The following GHR variants were observed in gnomAD, a reference collection of about 807,000 sequenced individuals.
GHR encodes the protein growth hormone receptor.
Under a neutral mutation model 67.1 loss-of-function variants are expected in GHR, and 35 were observed. The ratio of observed to expected loss-of-function variants is 0.52; its 90% CI spans 0.40 to 0.69. GHR has a LOEUF of 0.69. Ranked by LOEUF, GHR falls within the 30% of genes least tolerant of loss-of-function variation. GHR has a pLI of 0.00. For missense variants in GHR, 792 were observed against 764.6 expected (o/e 1.04, Z -0.42); for synonymous variants, 272 against 269.1 (o/e 1.01, Z -0.10).
intron 2 of GHR, among the ~76,000 whole-genome samples, chr5:42,628,503 G>A (rs115397300): frequency 0.061 from 8,013 of 131,230 alleles, 1,790 homozygotes; most frequent in Admixed American, 0.11. Context: ...TACATGGAAG[G>A]TATACATTGG....
intron 1 of GHR, among the ~76,000 whole-genome samples, chr5:42,464,730 C>T (rs1260038356): frequency 6.6e-6 from 1 of 152,028 alleles, no homozygotes; most frequent in East Asian, 1.9e-4. Flanking sequence ...CCCTAGAGTC[C>T]CTGGCAGAAC....
chr5:42,531,300 A>T (rs1747957194), intron 1 of GHR, among the ~76,000 whole-genome samples: 1 of 151,948 alleles, frequency 6.6e-6, no homozygotes, highest in Non-Finnish European at 1.5e-5. Context: ...ATAAGTTTTT[A>T]AAGTCACTGA....
At chr5:42,716,093 G>A (rs1758705828) in intron 8 of GHR, among the ~76,000 whole-genome samples, 1 of 151,658 alleles carries the variant, frequency 6.6e-6, no homozygotes, top group South Asian at 2.1e-4. Flanking sequence ...GGAAACCTTT[G>A]CTTCCTGTAA....
In GHR at chr5:42,474,285, AAAAGAGAAAG is replaced by A. The variant is rs372512617; in HGVS notation, c.-12+50332_-12+50341del. On this transcript the variant is annotated intron_variant, in intron 1 of 9. Coordinates refer to ENST00000230882, the MANE Select transcript of GHR (RefSeq NM_000163.5). ...AAAGAAAGAAAGAAAGAAAGAAAGA[AAAAGAGAAAG>A]AGAAAGAAAGAAAGAAAGAAAGAAA... Among the ~76,000 whole-genome samples the A allele has an allele frequency of 1.6e-3, 45 of 28,058 alleles. 1 individual carries two copies. The highest frequency in any genetic ancestry group is 1.9e-3 in the Non-Finnish European group (25 of 13,058). The allele number at this position is 28,058 out of a possible 152,430, so 18.4% of individuals were successfully genotyped here.
At chr5:42,438,978 C>G (rs1743452801) in intron 1 of GHR, among the ~76,000 whole-genome samples, 1 of 152,146 alleles carries the variant, frequency 6.6e-6, no homozygotes, top group Non-Finnish European at 1.5e-5. Flanking sequence ...TAACACTGTC[C>G]TGGTCATTTT....
At chr5:42,468,607 G>A (rs1036770673) in intron 1 of GHR, 5 of 1,027,162 alleles carry the variant, frequency 4.9e-6, no homozygotes, top group Non-Finnish European at 7.3e-6. Context: ...TGTCAACCAC[G>A]CCAACGCTGG....
At position 42,588,868 on chromosome 5, in the gene GHR, A is replaced by G. The variant is rs150574550; in HGVS notation, c.70+22924A>G. The stretch of plus-strand genomic sequence containing the variant: ...GATTCTGTAATTAACTTATTGAGTC[A>G]TTTGTTTAACCATTGGTGAATTCAT... On this transcript the variant is annotated intron_variant, in intron 2 of 9. Coordinates refer to ENST00000230882, the MANE Select transcript of GHR (RefSeq NM_000163.5). 3.8e-3 allele frequency among the ~76,000 whole-genome samples: 573 copies of G among 152,324 alleles called. 4 individuals are homozygous for G. Among genetic ancestry groups the G allele is most frequent in the African/African-American group, 0.013 (549 of 41,580 alleles).
chr5:42,505,122 G>GTTTTTTTTTTTT (rs35690685), intron 1 of GHR, among the ~76,000 whole-genome samples: 4 of 134,874 alleles, frequency 3.0e-5, no homozygotes, highest in Middle Eastern at 3.8e-3. Flanking sequence ...GCTGTTGACT[G>GTTTTTTTTTTTT]TTTTTTTTTT....
At position 42,479,624 on chromosome 5, in the gene GHR, GT is replaced by G. The variant is rs1395948587; in HGVS notation, c.-12+55670del. ...CTGGTTTAGTCTTGGGAGGATGTAT[GT>G]GTCGAGGAATTTATCCATTTCTTCT... On this transcript the variant is annotated intron_variant, in intron 1 of 9. Transcript: ENST00000230882. Among the ~76,000 whole-genome samples the G allele has an allele frequency of 2.0e-5, 3 of 152,216 alleles. No homozygotes were observed. The South Asian group carries it at 6.2e-4, about 31-fold the overall frequency.
At chr5:42,661,604 G>A (rs978530689) in intron 3 of GHR, among the ~76,000 whole-genome samples, 1 of 152,138 alleles carries the variant, frequency 6.6e-6, no homozygotes, top group African/African-American at 2.4e-5. Context: ...CCTGAAGGAA[G>A]CACTAAACAT....
intron 2 of GHR, among the ~76,000 whole-genome samples, chr5:42,623,193 A>G (rs1382678243): frequency 2.0e-5 from 3 of 152,188 alleles, no homozygotes; most frequent in African/African-American, 7.2e-5. Context: ...ATATATAGAT[A>G]CTTTTACTCT....
chr5:42,534,920 T>C (rs1277380483), intron 1 of GHR, among the ~76,000 whole-genome samples: 1 of 152,078 alleles, frequency 6.6e-6, no homozygotes, highest in Admixed American at 6.6e-5. Context: ...ATTAGTGATA[T>C]TGAGCATTTT....
In GHR at chr5:42,565,893, C is replaced by A; in HGVS notation, c.19C>A (p.Leu7Met). 1 of 1,614,058 alleles carries A rather than the reference C, an allele frequency of 6.2e-7. No homozygotes were observed. Among genetic ancestry groups the A allele is most frequent in the Non-Finnish European group, 8.5e-7 (1 of 1,179,912 alleles). Residue 7 changes from leucine to methionine, a missense_variant, in exon 2 of 10, where the codon CTG becomes ATG. Physicochemically the swap from Leu to Met is conservative, Grantham distance 15. Coordinates refer to ENST00000230882, the MANE Select transcript of GHR (RefSeq NM_000163.5). The stretch of plus-strand genomic sequence containing the variant: ...TACAGGTATGGATCTCTGGCAGCTG[C>A]TGTTGACCTTGGCACTGGCAGGATC... MDLWQL[L>M]LTLALAGSSD...
chr5:42,654,237 C>A (rs1444242799), intron 3 of GHR, among the ~76,000 whole-genome samples: 1 of 151,928 alleles, frequency 6.6e-6, no homozygotes, highest in African/African-American at 2.4e-5. Flanking sequence ...TCTTACTTAC[C>A]CCATCTATAA....
chr5:42,516,766 T>C (rs1747255712), intron 1 of GHR, among the ~76,000 whole-genome samples: 1 of 152,150 alleles, frequency 6.6e-6, no homozygotes, highest in South Asian at 2.1e-4. Context: ...TTGGAAATTA[T>C]ACTGAAACAG....
intron 1 of GHR, among the ~76,000 whole-genome samples, chr5:42,477,670 A>C (rs1187544020): frequency 6.6e-6 from 1 of 152,190 alleles, no homozygotes. Context: ...TTTTGGCTGC[A>C]TAAATGTCTT....
chr5:42,498,041 G>A (rs151213565), intron 1 of GHR, among the ~76,000 whole-genome samples: 35 of 152,302 alleles, frequency 2.3e-4, no homozygotes, highest in Non-Finnish European at 4.0e-4. Context: ...CGTTAGAAGA[G>A]CATTTGGATA....
At chr5:42,469,692 A>G (rs899391150) in intron 1 of GHR, among the ~76,000 whole-genome samples, 5 of 152,256 alleles carry the variant, frequency 3.3e-5, no homozygotes, top group Non-Finnish European at 7.3e-5. Context: ...CCAGAGTCCC[A>G]GGACACTTGG....
intron 2 of GHR, among the ~76,000 whole-genome samples, chr5:42,606,091 T>C (rs1182305148): frequency 6.6e-6 from 1 of 152,130 alleles, no homozygotes; most frequent in Non-Finnish European, 1.5e-5. Context: ...AGCTAGGTGA[T>C]TTCAGAGCCA....
Sources: gnomAD v4.1 joint callset for allele counts (sites outside exome capture counted in the v4.1 genomes callset) on GRCh38, gnomAD v4.1.1 for gene constraint, MANE v1.5 for transcripts, NCBI Gene and HGNC (gene_info 2026-07-23, HGNC 2026-07-21) for gene names.